CCDC127: variants seen among roughly 807,000 people sequenced by gnomAD.
CCDC127 encodes coiled-coil domain-containing protein 127.
In CCDC127, 2 loss-of-function variants were observed where a neutral mutation model predicts 4.1. That is an observed-to-expected ratio of 0.49 (90% CI 0.20 to 1.53). CCDC127 has a LOEUF of 1.53. Among genes scored for constraint, CCDC127 ranks in the 40% most tolerant of loss-of-function variants. The pLI is 0.23. For missense variants in CCDC127, 271 were observed against 322.9 expected (o/e 0.84, Z 1.23); for synonymous variants, 98 against 120.4 (o/e 0.81, Z 1.22).
In CCDC127 at chr5:205,725, G is replaced by A. The variant is rs1438557287; in HGVS notation, c.355C>T (p.Leu119Phe). Residue 119 changes from leucine to phenylalanine, a missense_variant, in exon 3 of 3, where the codon CTT becomes TTT. By Grantham distance (22) the Leu-to-Phe change is conservative. Coordinates refer to ENST00000296824, the MANE Select transcript of CCDC127 (RefSeq NM_145265.3). ...QGRKLVEEKK[L>F]LEQERAQVMQ... is the part of the protein sequence containing the mutation. Reference sequence around the variant, plus strand: ...ACCTGGGCCCGTTCCTGTTCCAGAAGCTTCTTTTCTTCTACCAACTTGCGT... The same window carrying A: ...ACCTGGGCCCGTTCCTGTTCCAGAAACTTCTTTTCTTCTACCAACTTGCGT... The A allele has an allele frequency of 3.7e-6, 6 of 1,613,986 alleles. No homozygotes were observed. Among genetic ancestry groups the A allele is most frequent in the Non-Finnish European group, 4.2e-6 (5 of 1,180,034 alleles).
chr5:206,884 C>G (rs1734186186), intron 2 of CCDC127, among the ~76,000 whole-genome samples: 1 of 152,118 alleles, frequency 6.6e-6, no homozygotes, highest in African/African-American at 2.4e-5. Flanking sequence ...CCCAAGGCCC[C>G]AAAAGCCACT....
In CCDC127 at chr5:197,403, A is replaced by G. The variant is rs1579353521; in HGVS notation, c.*7894T>C. The G allele has an allele frequency of 6.6e-6, 1 of 152,212 alleles. No homozygotes were observed. The highest frequency in any genetic ancestry group is 1.5e-5 in the Non-Finnish European group (1 of 68,070). 9.4% of individuals were successfully genotyped at this position (152,212 alleles called of 1,614,324 possible). On this transcript the variant is annotated 3_prime_UTR_variant, in exon 3 of 3. Coordinates refer to ENST00000296824, the MANE Select transcript of CCDC127 (RefSeq NM_145265.3). The stretch of plus-strand genomic sequence containing the variant: ...GGTCTTTCTCATTCCACGAGGCCAT[A>G]TTTCAGACTATCACATGGGGAGAAA...
In CCDC127 at chr5:197,162, C is replaced by CA. The variant is rs1194206182; in HGVS notation, c.*8134dup. ...AGCAGAGTAAAGAATAACAAGGCAG[C>CA]ATTGCCGCAAACATGTCTCGCCTCC... On this transcript the variant is annotated 3_prime_UTR_variant, in exon 3 of 3. Coordinates refer to ENST00000296824, the MANE Select transcript of CCDC127 (RefSeq NM_145265.3). 6.6e-6 allele frequency: 1 copy of CA among 152,090 alleles called. No homozygotes were observed. Among genetic ancestry groups the CA allele is most frequent in the Non-Finnish European group, 1.5e-5 (1 of 68,018 alleles). 9.4% of individuals were successfully genotyped at this position (152,090 alleles called of 1,614,324 possible).
rs536123328 is a variant in CCDC127 at position 202,773 on chromosome 5, G to A, written c.*2524C>T. ...TCATTCACCTACAAAGCAGCTGACT[G>A]TGTTTTCTTCATTTAAAGACAAACG... On this transcript the variant is annotated 3_prime_UTR_variant, in exon 3 of 3. Transcript: ENST00000296824. 6.6e-6 allele frequency: 1 copy of A among 152,110 alleles called. No homozygotes were observed. Among genetic ancestry groups the A allele is most frequent in the Non-Finnish European group, 1.5e-5 (1 of 68,056 alleles). 9.4% of individuals were successfully genotyped at this position (152,110 alleles called of 1,614,324 possible). A position where few individuals can be genotyped will look rare whatever the true frequency, so the allele number is the denominator to read the frequency against.
At chr5:210,963 T>C (rs71583057) in intron 2 of CCDC127, among the ~76,000 whole-genome samples, 22 of 48,740 alleles carry the variant, frequency 4.5e-4, no homozygotes, top group South Asian at 2.0e-3. Flanking sequence ...GCAGCCACGA[T>C]GAGACAGCAC....
Position 199,328 on chromosome 5 carries a change from CCT to C in CCDC127, c.*5967_*5968del, listed in dbSNP as rs936667573. 3 of 160,364 alleles carry C rather than the reference CCT, an allele frequency of 1.9e-5. No individual in the cohort carries two copies. The highest frequency in any genetic ancestry group is 3.4e-4 in the South Asian group (2 of 5,906). 9.9% of individuals were successfully genotyped at this position (160,364 alleles called of 1,614,324 possible). On this transcript the variant is annotated 3_prime_UTR_variant, in exon 3 of 3. Coordinates refer to ENST00000296824, the MANE Select transcript of CCDC127 (RefSeq NM_145265.3). ...GCCCCTCTGTGTGGTGGACGTGGCC[CCT>C]CTGTGTGGACGTGGCCCCTCTGTGT...
At chr5:206,248 T>C (rs375875213) in intron 2 of CCDC127, among the ~76,000 whole-genome samples, 5 of 95,492 alleles carry the variant, frequency 5.2e-5, no homozygotes, top group African/African-American at 3.0e-4. Flanking sequence ...CTAGTACAAT[T>C]GGCAAAGTTT....
In CCDC127 at chr5:205,649, C is replaced by T; in HGVS notation, c.431G>A (p.Cys144Tyr). The change falls in exon 3 of 3, where the codon TGC becomes TAC. Residue 144 changes from cysteine (C) to tyrosine (Y), a missense_variant. Physicochemically the swap from Cys to Tyr is radical, Grantham distance 194. Transcript: ENST00000296824. ...VQPLRSAYLS[C>Y]LQREENWQRR... ...TTGCCAGTTTTCTTCCCTTTGCAGGCAGCTCAAATACGCACTTCTCAAAGG... is the reference window on the plus strand; with the variant it reads ...TTGCCAGTTTTCTTCCCTTTGCAGGTAGCTCAAATACGCACTTCTCAAAGG... 1.2e-6 allele frequency: 2 copies of T among 1,614,202 alleles called. No individual in the cohort carries two copies. Among genetic ancestry groups the T allele is most frequent in the Non-Finnish European group, 1.7e-6 (2 of 1,180,032 alleles).
At chr5:206,075 G>T in intron 2 of CCDC127, 117 bp from the exon 3 acceptor site, 2 of 893,282 alleles carry the variant, frequency 2.2e-6, no homozygotes, top group Non-Finnish European at 3.4e-6. Context: ...TAAGACCTCG[G>T]CTGTACCAAG....
intron 1 of CCDC127, among the ~76,000 whole-genome samples, 173 bp downstream of exon 1, chr5:217,920 G>A (rs1235009566): frequency 3.3e-5 from 5 of 152,244 alleles, no homozygotes; most frequent in Non-Finnish European, 7.3e-5. Context: ...TAAACAAGAG[G>A]TCGGAGGCCC....
chr5:211,228 G>C (rs1734280397), intron 2 of CCDC127, among the ~76,000 whole-genome samples: 1 of 114,038 alleles, frequency 8.8e-6, no homozygotes, highest in South Asian at 3.1e-4. Context: ...CTGCAGCCAT[G>C]ACGAGACAGC....
rs1449335700 is a variant in CCDC127, at chr5:198,513, C to G, written c.*6784G>C. On this transcript the variant is annotated 3_prime_UTR_variant, in exon 3 of 3. Transcript: ENST00000296824. ...GAGGCCTGGGATTGGGCAGGGCACA[C>G]AGGAGCCCACTGGTGTCAGTGGGCG... 1 of 152,288 alleles carries G rather than the reference C, an allele frequency of 6.6e-6. No homozygotes were observed. Among genetic ancestry groups the G allele is most frequent in the South Asian group, 2.1e-4 (1 of 4,832 alleles). 9.4% of individuals were successfully genotyped at this position (152,288 alleles called of 1,614,324 possible).
chr5:197,051 C>CTA lies in CCDC127; in HGVS notation c.*8244_*8245dup, dbSNP rs760231078. On this transcript the variant is annotated 3_prime_UTR_variant, in exon 3 of 3. Coordinates refer to ENST00000296824, the MANE Select transcript of CCDC127 (RefSeq NM_145265.3). ...AGCAAAAACGTGTGAGCAAAAGAATCTATGTCGTAATTAAGTTCAAGGGAA... is the reference window on the plus strand; with the variant it reads ...AGCAAAAACGTGTGAGCAAAAGAATCTATATGTCGTAATTAAGTTCAAGGGAA... 1.3e-5 allele frequency: 2 copies of CTA among 151,556 alleles called. No homozygotes were observed. The highest frequency in any genetic ancestry group is 4.9e-5 in the African/African-American group (2 of 41,208). 9.4% of individuals were successfully genotyped at this position (151,556 alleles called of 1,614,324 possible).
rs1733999914 is a variant in CCDC127 at position 197,931 on chromosome 5, C to T, written c.*7366G>A. On this transcript the variant is annotated 3_prime_UTR_variant, in exon 3 of 3. Transcript: ENST00000296824. ...CCCCTGCTGCCCCGTGTCTCCCCCT[C>T]CCGGAGTGTGTCCCCACCCCAATGG... The T allele has an allele frequency of 6.6e-6, 1 of 151,186 alleles. No individual in the cohort carries two copies. The allele number at this position is 151,186 out of a possible 1,614,324, so 9.4% of individuals were successfully genotyped here.
At position 201,307 on chromosome 5, in the gene CCDC127, G is replaced by A. The variant is rs1579355363; in HGVS notation, c.*3990C>T. 6.6e-6 allele frequency: 1 copy of A among 152,344 alleles called. No homozygotes were observed. Among genetic ancestry groups the A allele is most frequent in the Non-Finnish European group, 1.5e-5 (1 of 68,044 alleles). 9.4% of individuals were successfully genotyped at this position (152,344 alleles called of 1,614,324 possible). On this transcript the variant is annotated 3_prime_UTR_variant, in exon 3 of 3. Transcript: ENST00000296824. ...AATATGTGAAAGTAACTAGAAAGCT[G>A]TTTTCTCCCTTCTGCTTAAAGAGAT... is the stretch of plus-strand genomic sequence containing the variant.
At chr5:211,285 C>T (rs1461960576) in intron 2 of CCDC127, among the ~76,000 whole-genome samples, 2 of 112,326 alleles carry the variant, frequency 1.8e-5, no homozygotes, top group Admixed American at 8.4e-5. Context: ...AGTGTGAGCA[C>T]ACTGATGCTC....
chr5:214,857 G>C lies in CCDC127; in HGVS notation c.121+1872C>G, dbSNP rs906575509. Reference sequence around the variant, plus strand: ...ATCCTGGCCAATGTGGTGAAACCCCGTCTCTACTAAAAATACAAAAATTAG... The same window carrying C: ...ATCCTGGCCAATGTGGTGAAACCCCCTCTCTACTAAAAATACAAAAATTAG... On this transcript the variant is annotated intron_variant, in intron 2 of 2. Coordinates refer to ENST00000296824, the MANE Select transcript of CCDC127 (RefSeq NM_145265.3). The C allele has an allele frequency of 2.0e-5, 3 of 152,096 alleles. No individual in the cohort carries two copies. The South Asian group carries it at 6.2e-4, about 32-fold the overall frequency. 9.4% of individuals were successfully genotyped at this position (152,096 alleles called of 1,614,324 possible).
In CCDC127 at chr5:202,406, G is replaced by A. The variant is rs1448234623; in HGVS notation, c.*2891C>T. 1.3e-5 allele frequency: 2 copies of A among 152,304 alleles called. No individual in the cohort carries two copies. The highest frequency in any genetic ancestry group is 2.9e-5 in the Non-Finnish European group (2 of 68,110). The allele number at this position is 152,304 out of a possible 1,614,324, so 9.4% of individuals were successfully genotyped here. ...TTGAGGCCATCCTGGCCAACATGGT[G>A]AAACCCTGTCTCTACTAAACATACA... On this transcript the variant is annotated 3_prime_UTR_variant, in exon 3 of 3. Coordinates refer to ENST00000296824, the MANE Select transcript of CCDC127 (RefSeq NM_145265.3).
At chr5:214,741 G>A (rs1016589459) in intron 2 of CCDC127, 29 of 152,076 alleles carry the variant, frequency 1.9e-4, no homozygotes, top group African/African-American at 7.0e-4. Flanking sequence ...TAAAAATCTA[G>A]TAAATGGGCT....
Sources: allele counts gnomAD v4.1 joint callset (sites outside exome capture counted in the v4.1 genomes callset), GRCh38; gene constraint gnomAD v4.1.1; transcripts MANE v1.5; gene names NCBI Gene and HGNC (gene_info 2026-07-23, HGNC 2026-07-21).